EFHC2: variants seen among roughly 807,000 people sequenced by gnomAD.
The protein encoded by EFHC2 is EF-hand domain-containing family member C2.
In EFHC2, 18 loss-of-function variants were observed where a neutral mutation model predicts 52.7. That is an observed-to-expected ratio of 0.34 (90% confidence interval 0.24 to 0.51). The LOEUF (loss-of-function observed/expected upper bound fraction) is 0.51. Ranked by LOEUF, EFHC2 falls within the 20% of genes least tolerant of loss-of-function variation. The probability of loss-of-function intolerance (pLI) is 0.97; values close to 1 mark genes in which losing one functional copy is unlikely to be tolerated. For synonymous variants in EFHC2, 203 were observed against 204.1 expected, an observed-to-expected ratio of 0.99 and a Z score of 0.04; for missense variants, 513 against 562.5, an observed-to-expected ratio of 0.91 and a Z score of 0.89.
chrX:44,156,223 G>A (rs759963800), intron 14 of EFHC2, among the ~76,000 whole-genome samples: 14 of 112,135 alleles, frequency 1.2e-4, no homozygotes, highest in Non-Finnish European at 2.3e-4. Flanking sequence ...TTTCCTACTA[G>A]GTTATTGCTC....
intron 2 of EFHC2, among the ~76,000 whole-genome samples, chrX:44,280,063 A>G (rs2037690981): frequency 9.3e-6 from 1 of 107,084 alleles, no homozygotes; most frequent in Non-Finnish European, 1.9e-5. Context: ...ACACACACAC[A>G]CACAGAAATC....
At chrX:44,314,056 T>C (rs1422719170) in intron 1 of EFHC2, among the ~76,000 whole-genome samples, 2 of 111,907 alleles carry the variant, frequency 1.8e-5, no homozygotes, top group African/African-American at 6.5e-5. Flanking sequence ...TATGTAAAGC[T>C]GGAAAATACT....
chrX:44,179,905 C>A (rs1206909612), intron 11 of EFHC2, among the ~76,000 whole-genome samples: 1 of 112,422 alleles, frequency 8.9e-6, no homozygotes, highest in Non-Finnish European at 1.9e-5. Flanking sequence ...ATAGCAATAA[C>A]CTCTGCCATT....
intron 10 of EFHC2, among the ~76,000 whole-genome samples, chrX:44,231,226 G>A (rs769671827): frequency 8.9e-6 from 1 of 112,032 alleles, no homozygotes; most frequent in African/African-American, 3.2e-5. Context: ...GACTCCAGCT[G>A]CCATACCTTC....
At position 44,176,289 on chromosome X, in the gene EFHC2, T is replaced by C. The variant is rs771382524; in HGVS notation, c.2042+3A>G. ...CCCTATCAAGAGTGGAACTCTAACT[T>C]ACCTTGACAATAAGGATTCTAGAAG... On this transcript the variant is annotated splice_donor_region_variant and intron_variant, in intron 13 of 14. Coordinates refer to ENST00000420999, the MANE Select transcript of EFHC2 (RefSeq NM_025184.4). 1.8e-5 allele frequency: 21 copies of C among 1,187,976 alleles called. No individual in the cohort carries two copies. The highest frequency in any genetic ancestry group is 2.4e-5 in the Non-Finnish European group (21 of 879,784).
At chrX:44,169,812 G>A (rs1008046292) in intron 13 of EFHC2, among the ~76,000 whole-genome samples, 1 of 110,959 alleles carries the variant, frequency 9.0e-6, no homozygotes. Context: ...AAGATCCTAA[G>A]AGCATTCCAA....
chrX:44,219,729 T>C (rs1256099147), intron 11 of EFHC2, among the ~76,000 whole-genome samples: 2 of 112,083 alleles, frequency 1.8e-5, no homozygotes, highest in African/African-American at 3.2e-5. Context: ...AACTTTGTAA[T>C]TGCAGAAACA....
intron 11 of EFHC2, among the ~76,000 whole-genome samples, chrX:44,214,587 A>C (rs2147307289): frequency 8.9e-6 from 1 of 112,467 alleles, no homozygotes; most frequent in South Asian, 3.7e-4. Context: ...TGTTGCCAGT[A>C]GACCTGCCTT....
chrX:44,262,512 C>CAAAAAAAAAAAAA (rs749239313), intron 3 of EFHC2, among the ~76,000 whole-genome samples: 1 of 29,205 alleles, frequency 3.4e-5, no homozygotes, highest in African/African-American at 1.1e-4. Context: ...AGCCCTGTCT[C>CAAAAAAAAAAAAA]AAAAAAAAAA....
At chrX:44,183,435 G>A (rs1010199295) in intron 11 of EFHC2, among the ~76,000 whole-genome samples, 4 of 111,980 alleles carry the variant, frequency 3.6e-5, no homozygotes, top group African/African-American at 1.3e-4. Context: ...ATTCCAGCAT[G>A]TCATACTGTG....
intron 13 of EFHC2, among the ~76,000 whole-genome samples, chrX:44,166,842 GTCTA>G (rs112020067): frequency 9.9e-5 from 11 of 111,275 alleles, no homozygotes; most frequent in African/African-American, 3.3e-4. Context: ...CATATAACAA[GTCTA>G]TCTATTTCTC....
rs2037289101 is a variant in EFHC2 at position 44,232,787 on chromosome X, T to C, written c.1424-110A>G. ...CACAGACCACCATATAAGTTACCTG[T>C]GAACTCATATTGCCTGTTATTTTTG... is the stretch of plus-strand genomic sequence containing the variant. On this transcript the variant is annotated intron_variant, in intron 9 of 14. Transcript: ENST00000420999. 1.7e-5 allele frequency: 11 copies of C among 636,682 alleles called. No homozygotes were observed. The South Asian group carries it at 3.7e-4, about 21-fold the overall frequency. The allele number at this position is 636,682 out of a possible 1,213,427, so 52.5% of individuals were successfully genotyped here.
At chrX:44,245,292 A>G (rs7055196) in intron 7 of EFHC2, among the ~76,000 whole-genome samples, 24,498 of 111,710 alleles carry the variant, frequency 0.22, 3,354 homozygotes, top group African/African-American at 0.5. Context: ...CAACAGCAAC[A>G]AGAATGAACA....
intron 13 of EFHC2, among the ~76,000 whole-genome samples, chrX:44,164,887 T>C (rs766985121): frequency 4.5e-5 from 5 of 111,946 alleles, no homozygotes; most frequent in Non-Finnish European, 5.6e-5. Flanking sequence ...ATTTCCTAAT[T>C]ATGGATATTA....
rs748248291 is a variant in EFHC2 at position 44,190,363 on chromosome X, AG to A, written c.1752-11800del. The stretch of plus-strand genomic sequence containing the variant: ...AATGAAGGGCAAAGGAAAAGAGAAC[AG>A]GTCTCAAGAATATACTGACAAATCT... On this transcript the variant is annotated intron_variant, in intron 11 of 14. Transcript: ENST00000420999. Among the ~76,000 whole-genome samples, 580 of 111,762 alleles carry A rather than the reference AG, an allele frequency of 5.2e-3. 2 individuals carry two copies. Among genetic ancestry groups the A allele is most frequent in the African/African-American group, 0.018 (549 of 30,697 alleles).
intron 2 of EFHC2, among the ~76,000 whole-genome samples, chrX:44,282,686 CAAA>C (rs1178054181): frequency 1.0e-4 from 3 of 29,013 alleles, no homozygotes; most frequent in Admixed American, 4.6e-4. Flanking sequence ...AAAACAAAAA[CAAA>C]AAAAAAACAC....
intron 2 of EFHC2, among the ~76,000 whole-genome samples, chrX:44,309,112 G>A (rs776889577): frequency 6.2e-5 from 7 of 112,524 alleles, no homozygotes; most frequent in Non-Finnish European, 1.3e-4. Flanking sequence ...GTAAGTCACA[G>A]CCAGCCAGGC....
rs553154534 is a variant in EFHC2, at chrX:44,230,196, T to A, written c.1621-417A>T. Among the ~76,000 whole-genome samples the A allele has an allele frequency of 3.3e-4, 37 of 111,522 alleles. No homozygotes were observed. The South Asian group carries it at 0.012, about 37-fold the overall frequency. ...TAGAATGGGGTCCCCCTGGAACTGC[T>A]GTCCATTAGGCAACGCACTGATGAG... On this transcript the variant is annotated intron_variant, in intron 10 of 14. Coordinates refer to ENST00000420999, the MANE Select transcript of EFHC2 (RefSeq NM_025184.4).
chrX:44,225,930 A>C (rs1356586544), intron 11 of EFHC2, among the ~76,000 whole-genome samples: 1 of 111,934 alleles, frequency 8.9e-6, no homozygotes, highest in Non-Finnish European at 1.9e-5. Flanking sequence ...AGGATCGTTC[A>C]TTAAATTATT....
Sources: allele counts gnomAD v4.1 joint callset (sites outside exome capture counted in the v4.1 genomes callset), GRCh38; gene constraint gnomAD v4.1.1; transcripts MANE v1.5; gene names NCBI Gene and HGNC (gene_info 2026-07-23, HGNC 2026-07-21).